Variants in ANKRD26 observed in about 807,000 individuals in gnomAD.
The protein encoded by ANKRD26 is ankyrin repeat domain-containing protein 26.
Under a neutral mutation model 208.7 loss-of-function variants are expected in ANKRD26, and 141 were observed. That is an observed-to-expected ratio of 0.68 (90% CI 0.59 to 0.78). ANKRD26 has a LOEUF of 0.78. Ranked by LOEUF, ANKRD26 falls within the 30% of genes least tolerant of loss-of-function variation. The pLI, the probability that ANKRD26 is intolerant of heterozygous loss-of-function variation, is 0.00. For missense variants in ANKRD26, 1,889 were observed against 1,938.7 expected, an observed-to-expected ratio of 0.97 and a Z score of 0.48; for synonymous variants, 636 against 660.4, an observed-to-expected ratio of 0.96 and a Z score of 0.57.
At chr10:26,951,008 C>CTTTTTTTTTTTTTTTT in the ANKRD26 span, among the ~76,000 whole-genome samples, 2 of 62,694 alleles carry the variant, frequency 3.2e-5, no homozygotes, top group East Asian at 5.7e-4. Context: ...TTTTTCTTTT[C>CTTTTTTTTTTTTTTTT]TTTTCTTTTT....
At chr10:26,992,254 C>T (rs1255880642) in intron 5 of ANKRD26, among the ~76,000 whole-genome samples, 5 of 152,164 alleles carry the variant, frequency 3.3e-5, no homozygotes, top group Non-Finnish European at 4.4e-5. Flanking sequence ...TTTCCTCTTA[C>T]ATTTTCCTCC....
chr10:27,045,423 T>TAA (rs74940609), intron 18 of ANKRD26, among the ~76,000 whole-genome samples: 2 of 127,596 alleles, frequency 1.6e-5, no homozygotes, highest in Non-Finnish European at 1.7e-5. Context: ...GACTCTGACT[T>TAA]AAAAAAAAAA....
chr10:26,959,620 G>A, the ANKRD26 span, among the ~76,000 whole-genome samples: 1 of 151,218 alleles, frequency 6.6e-6, no homozygotes, highest in African/African-American at 2.4e-5. Context: ...TGGAACAGTA[G>A]TAACCACATA....
At chr10:27,095,883 G>A (rs569136768) in intron 1 of ANKRD26, among the ~76,000 whole-genome samples, 64 of 152,176 alleles carry the variant, frequency 4.2e-4, no homozygotes, top group African/African-American at 8.0e-4. Flanking sequence ...TTTCCTCTTA[G>A]CTCCTAAGGA....
At chr10:27,046,114 T>C (rs2054433787) in intron 18 of ANKRD26, 2 of 470,010 alleles carry the variant, frequency 4.3e-6, no homozygotes, top group East Asian at 3.7e-5. Flanking sequence ...CATTTACCTA[T>C]TGCCTCTCAG....
chr10:27,023,028 G>A (rs2053540789), intron 28 of ANKRD26, among the ~76,000 whole-genome samples: 1 of 152,102 alleles, frequency 6.6e-6, no homozygotes, highest in Non-Finnish European at 1.5e-5. Flanking sequence ...AGTCCAAGGT[G>A]AAGAGGAAAA....
rs1004103124 is a variant in ANKRD26 at position 27,034,001 on chromosome 10, C to T, written c.3655-624G>A. Among the ~76,000 whole-genome samples, 25 of 152,282 alleles carry T rather than the reference C, an allele frequency of 1.6e-4. No homozygotes were observed. In the East Asian group the frequency reaches 2.3e-3, roughly 14 times the overall value. On this transcript the variant is annotated intron_variant, in intron 24 of 33. Coordinates refer to ENST00000376087, the MANE Select transcript of ANKRD26 (RefSeq NM_014915.3). ...TGCCAAACTAATAAATCACAAATCG[C>T]TACACTTACTTATCTTTATACTGAA...
the ANKRD26 span, among the ~76,000 whole-genome samples, chr10:26,960,064 A>C: frequency 6.6e-6 from 1 of 152,010 alleles, no homozygotes; most frequent in Admixed American, 6.6e-5. Context: ...CAAGAAGCTG[A>C]GACACGAGAA....
chr10:27,056,359 G>T (rs1049650655), intron 15 of ANKRD26, among the ~76,000 whole-genome samples: 5 of 151,924 alleles, frequency 3.3e-5, no homozygotes, highest in Non-Finnish European at 7.4e-5. Context: ...TGTATTTTCA[G>T]TAGAGATGGG....
chr10:26,985,378 A>T (rs2052369139), intron 3 of ANKRD26, among the ~76,000 whole-genome samples: 1 of 152,218 alleles, frequency 6.6e-6, no homozygotes. Flanking sequence ...GGCATCTGAC[A>T]TCCCATTGGA....
chr10:26,989,195 A>T, downstream of ANKRD26, among the ~76,000 whole-genome samples: 1 of 152,138 alleles, frequency 6.6e-6, no homozygotes, highest in Middle Eastern at 3.2e-3. Flanking sequence ...GGCCTTAAGC[A>T]AATGTTCCCC....
intron 4 of ANKRD26, among the ~76,000 whole-genome samples, chr10:27,092,167 A>G (rs896947584): frequency 1.2e-4 from 18 of 152,138 alleles, no homozygotes; most frequent in African/African-American, 4.3e-4. Context: ...ATATTGCCCA[A>G]TCCAAGCAAC....
intron 33 of ANKRD26, among the ~76,000 whole-genome samples, chr10:27,006,210 G>A (rs2052873992): frequency 6.6e-6 from 1 of 152,166 alleles, no homozygotes; most frequent in Non-Finnish European, 1.5e-5. Flanking sequence ...GAAGTACAAG[G>A]AAAACATATG....
At chr10:27,053,295 A>G (rs2054725776) in intron 16 of ANKRD26, 25 bp downstream of exon 16, 4 of 1,552,984 alleles carry the variant, frequency 2.6e-6, no homozygotes, top group Non-Finnish European at 3.5e-6. Flanking sequence ...ATATTAAACC[A>G]GAAATTTTTA....
At chr10:27,008,362 A>C (rs557071173) in intron 32 of ANKRD26, among the ~76,000 whole-genome samples, 1 of 152,214 alleles carries the variant, frequency 6.6e-6, no homozygotes, top group Non-Finnish European at 1.5e-5. Context: ...ATAATGTGAC[A>C]ATAGCATTAG....
At chr10:27,064,565 T>C (rs1377731615) in intron 11 of ANKRD26, among the ~76,000 whole-genome samples, 2 of 152,192 alleles carry the variant, frequency 1.3e-5, no homozygotes, top group Non-Finnish European at 2.9e-5. Flanking sequence ...ATTATAGAAA[T>C]ATTTAGTGTT....
rs771599758 is a variant in ANKRD26 at position 27,040,108 on chromosome 10, AT to A, written c.2231del (p.Asn744IlefsTer8). The A allele has an allele frequency of 3.7e-6, 6 of 1,612,580 alleles. No homozygotes were observed. The highest frequency in any genetic ancestry group is 2.7e-5 in the African/African-American group (2 of 74,838). ...TTTTTACTGTAAGTAGTTCACAGTGATTTTTTTTAAGTTCTAATAATCTTTC... is the reference window on the plus strand; with the variant it reads ...TTTTTACTGTAAGTAGTTCACAGTGATTTTTTTAAGTTCTAATAATCTTTC... ...SCERLLELKK[N>X]HCELLTVKIK... On this transcript the variant is annotated frameshift_variant, in exon 21 of 34. Transcript: ENST00000376087. LOFTEE classifies it high-confidence loss of function.
At chr10:27,084,916 GT>G (rs772167870) in intron 5 of ANKRD26, among the ~76,000 whole-genome samples, 1 of 143,736 alleles carries the variant, frequency 7.0e-6, no homozygotes. Context: ...TTTTTTTCCT[GT>G]TTTTTTTTAG....
At chr10:26,951,779 C>T in the ANKRD26 span, among the ~76,000 whole-genome samples, 2 of 152,146 alleles carry the variant, frequency 1.3e-5, no homozygotes, top group African/African-American at 2.4e-5. Context: ...CTGACTTTAA[C>T]GGTGTATTAG....
Sources: allele counts gnomAD v4.1 joint callset (sites outside exome capture counted in the v4.1 genomes callset), GRCh38; gene constraint gnomAD v4.1.1; transcripts MANE v1.5; gene names NCBI Gene and HGNC (gene_info 2026-07-23, HGNC 2026-07-21).